Variants in TTC22 observed in about 807,000 individuals in gnomAD.
TTC22 encodes the protein tetratricopeptide repeat protein 22.
TTC22 carries 42 observed loss-of-function variants against 48.2 expected under a neutral mutation model. The ratio of observed to expected loss-of-function variants is 0.87; its 90% CI spans 0.68 to 1.13. TTC22 has a LOEUF of 1.13. Among genes scored for constraint, TTC22 ranks in the 50% most tolerant of loss-of-function variants. The pLI is 0.00. For missense variants in TTC22, 784 were observed against 807.0 expected (o/e 0.97, Z 0.34); for synonymous variants, 345 against 365.5 (o/e 0.94, Z 0.64).
In TTC22 at chr1:54,787,763, G is replaced by A. The variant is rs767427361; in HGVS notation, c.687C>T (p.Arg229=). The A allele has an allele frequency of 2.5e-6, 4 of 1,613,528 alleles. No individual in the cohort carries two copies. In the East Asian group the frequency reaches 8.9e-5, roughly 36 times the overall value. The change falls in exon 3 of 7, where the codon CGC becomes CGT. Residue 229 remains arginine (R), a synonymous_variant. Transcript: ENST00000371276. The part of the protein sequence containing the change: ...EEQKRLPAFN[R]TLALLRQVLK... ...GCACTTGCCGGAGTAGGGCCAGCGT[G>A]CGGTTGAAGGCAGGCAGTCTCTTCT...
At chr1:54,785,648 C>T (rs1417581602) in intron 5 of TTC22, 1 of 390,780 alleles carries the variant, frequency 2.6e-6, no homozygotes, top group Non-Finnish European at 5.0e-6. Context: ...CTCGTCTCTA[C>T]AAAACAAAAC....
chr1:54,799,588 G>A lies in TTC22; in HGVS notation c.567+1009C>T, dbSNP rs72671841. ...CTCTGCTGCCATGACCTGCTGTCAT[G>A]ACCGCATTCAACACATCAATCTTGG... On this transcript the variant is annotated intron_variant, in intron 1 of 6. Coordinates refer to ENST00000371276, the MANE Select transcript of TTC22 (RefSeq NM_001114108.2). Among the ~76,000 whole-genome samples the A allele has an allele frequency of 0.01, 1,546 of 152,336 alleles. 60 individuals are homozygous for A. In the East Asian group the frequency reaches 0.13, roughly 12 times the overall value.
intron 1 of TTC22, among the ~76,000 whole-genome samples, chr1:54,798,306 C>T (rs1646408150): frequency 6.6e-6 from 1 of 152,200 alleles, no homozygotes; most frequent in Non-Finnish European, 1.5e-5. Context: ...CTGGGTGTGT[C>T]CCCCCTCATT....
chr1:54,786,237 G>T, intron 4 of TTC22, 93 bp from the exon 5 acceptor site: 1 of 1,195,974 alleles, frequency 8.4e-7, no homozygotes, highest in Non-Finnish European at 1.2e-6. Context: ...CCCATCTTTG[G>T]ATACAGCCGT....
chr1:54,799,941 T>C (rs1425662378), intron 1 of TTC22, among the ~76,000 whole-genome samples: 4 of 152,232 alleles, frequency 2.6e-5, no homozygotes, highest in Non-Finnish European at 4.4e-5. Flanking sequence ...AGGAGCTTGG[T>C]GGTGCTAAGC....
intron 5 of TTC22, among the ~76,000 whole-genome samples, chr1:54,783,448 A>C (rs1445793342): frequency 2.0e-5 from 3 of 152,226 alleles, no homozygotes; most frequent in Non-Finnish European, 4.4e-5. Context: ...TATTCTAGTC[A>C]GGAGCTAGCA....
chr1:54,792,284 T>C (rs964674131), intron 1 of TTC22, among the ~76,000 whole-genome samples: 1 of 152,198 alleles, frequency 6.6e-6, no homozygotes, highest in Non-Finnish European at 1.5e-5. Flanking sequence ...GGGTTGCAGA[T>C]GGGGTCAGTG....
rs45525336 is a variant in TTC22 at position 54,780,971 on chromosome 1, A to G, written c.*272T>C. ...ACCATCTTATTTTACCTGTATGTCTAGAAAATTCTGTCCCTTAATTGGCAG... is the reference window on the plus strand; with the variant it reads ...ACCATCTTATTTTACCTGTATGTCTGGAAAATTCTGTCCCTTAATTGGCAG... On this transcript the variant is annotated 3_prime_UTR_variant, in exon 7 of 7. Coordinates refer to ENST00000371276, the MANE Select transcript of TTC22 (RefSeq NM_001114108.2). 1,150 of 336,510 alleles carry G rather than the reference A, an allele frequency of 3.4e-3. 2 individuals are homozygous for G. The highest frequency in any genetic ancestry group is 4.7e-3 in the Non-Finnish European group (872 of 186,070). The allele number at this position is 336,510 out of a possible 1,614,324, so 20.8% of individuals were successfully genotyped here.
intron 1 of TTC22, among the ~76,000 whole-genome samples, chr1:54,791,213 T>G (rs1354223465): frequency 4.6e-5 from 7 of 152,206 alleles, no homozygotes; most frequent in African/African-American, 7.2e-5. Flanking sequence ...TCACCTGCTT[T>G]GAGGTTGGCT....
intron 5 of TTC22, among the ~76,000 whole-genome samples, chr1:54,782,935 TG>T (rs1263708223): frequency 6.6e-6 from 1 of 152,098 alleles, no homozygotes; most frequent in Non-Finnish European, 1.5e-5. Flanking sequence ...TAGAGGTGAT[TG>T]GGGAGGATTA....
chr1:54,792,497 C>A (rs553951970), intron 1 of TTC22, among the ~76,000 whole-genome samples: 14 of 152,032 alleles, frequency 9.2e-5, no homozygotes, highest in Non-Finnish European at 1.5e-4. Flanking sequence ...TGCAATGGCG[C>A]GATCTTGGCT....
At chr1:54,782,284 A>G (rs556180633) in intron 6 of TTC22, 41 bp downstream of exon 6, 2 of 1,484,776 alleles carry the variant, frequency 1.3e-6, no homozygotes, top group Admixed American at 2.4e-5. Context: ...GAGTAAACAG[A>G]TTCTTGCTCA....
At chr1:54,787,877 G>A in intron 2 of TTC22, 51 bp from the exon 3 acceptor site, 1 of 1,535,904 alleles carries the variant, frequency 6.5e-7, no homozygotes, top group Non-Finnish European at 8.9e-7. Flanking sequence ...CGGCTGTCCT[G>A]TGTGCTGCCA....
intron 6 of TTC22, 41 bp from the exon 7 acceptor site, chr1:54,781,820 C>T (rs1187564729): frequency 2.2e-6 from 3 of 1,378,718 alleles, no homozygotes; most frequent in African/African-American, 1.5e-5. Context: ...ACCGCAGGCG[C>T]GGCTCCACGC....
chr1:54,784,422 T>A, intron 5 of TTC22: 2 of 400,110 alleles, frequency 5.0e-6, no homozygotes, highest in Non-Finnish European at 6.8e-6. Flanking sequence ...AGTTTCTGAT[T>A]ATTGAATGCA....
intron 5 of TTC22, among the ~76,000 whole-genome samples, chr1:54,782,890 G>C (rs913705994): frequency 6.6e-6 from 1 of 152,180 alleles, no homozygotes; most frequent in Admixed American, 6.5e-5. Context: ...ATTTCAAGTG[G>C]TAAGTGCTAT....
At chr1:54,793,994 A>G (rs1147988) in intron 1 of TTC22, among the ~76,000 whole-genome samples, 114,814 of 152,090 alleles carry the variant, frequency 0.75, 43,498 homozygotes, top group South Asian at 0.82. Flanking sequence ...GCACCTGGGA[A>G]TTTGATAGAA....
chr1:54,787,686 TC>T, intron 3 of TTC22, 24 bp downstream of exon 3: 1 of 1,569,500 alleles, frequency 6.4e-7, no homozygotes, highest in South Asian at 1.1e-5. Flanking sequence ...GAGGCTGCTG[TC>T]CCACCCATCC....
At chr1:54,798,758 C>G (rs1267987205) in intron 1 of TTC22, among the ~76,000 whole-genome samples, 5 of 152,200 alleles carry the variant, frequency 3.3e-5, no homozygotes, top group Admixed American at 6.5e-5. Flanking sequence ...CAGTAAATGC[C>G]TCTCAGACAT....
Sources: gnomAD v4.1 joint callset for allele counts (sites outside exome capture counted in the v4.1 genomes callset) on GRCh38, gnomAD v4.1.1 for gene constraint, MANE v1.5 for transcripts, NCBI Gene and HGNC (gene_info 2026-07-23, HGNC 2026-07-21) for gene names.